NOL7: variants seen among roughly 807,000 people sequenced by gnomAD.
NOL7 encodes the protein nucleolar protein 7.
Under a neutral mutation model 38.4 loss-of-function variants are expected in NOL7, and 36 were observed. The observed-to-expected ratio is 0.94, with a 90% CI of 0.72 to 1.24. The LOEUF is 1.24. Among genes scored for constraint, NOL7 ranks in the 50% most tolerant of loss-of-function variants. The pLI is 0.00. For missense variants in NOL7, 350 were observed against 315.1 expected, an observed-to-expected ratio of 1.11 and a Z score of -0.84; for synonymous variants, 142 against 126.5, an observed-to-expected ratio of 1.12 and a Z score of -0.82.
intron 5 of NOL7, among the ~76,000 whole-genome samples, chr6:13,619,740 T>C (rs1228668513): frequency 2.0e-5 from 3 of 152,230 alleles, no homozygotes; most frequent in Non-Finnish European, 4.4e-5. Context: ...AAAACCACCA[T>C]GTGCTCTACT....
Position 13,618,113 on chromosome 6 carries a change from T to TA in NOL7, c.477dup (p.Val160SerfsTer11). 4 of 1,592,588 alleles carry TA rather than the reference T, an allele frequency of 2.5e-6. No homozygotes were observed. The highest frequency in any genetic ancestry group is 3.4e-6 in the Non-Finnish European group (4 of 1,162,008). The stretch of plus-strand genomic sequence containing the variant: ...AAAAAGGAAATGACTCCAAGAAAGT[T>TA]AAAGTACAAAAAGTACAGTCTGTCA... On this transcript the variant is annotated frameshift_variant, in exon 5 of 8. Coordinates refer to ENST00000451315, the MANE Select transcript of NOL7 (RefSeq NM_016167.5). LOFTEE classifies it high-confidence loss of function.
rs1312354334 is a variant in NOL7 at position 13,615,382 on chromosome 6, G to C, written c.24G>C (p.Ala8=). The C allele has an allele frequency of 6.6e-7, 1 of 1,520,060 alleles. No homozygotes were observed. The allele number at this position is 1,520,060 out of a possible 1,614,324, so 94.2% of individuals were successfully genotyped here. A position where few individuals can be genotyped will look rare whatever the true frequency, so the allele number is the denominator to read the frequency against. MVQLRPR[A]SRAPASAEAM... is the part of the protein sequence containing the mutation. ...CCATGGTGCAGCTCCGACCGCGAGC[G>C]TCTCGCGCCCCGGCGTCGGCGGAGG... Residue 8 remains alanine, a synonymous_variant, in exon 1 of 8, where the codon GCG becomes GCC. Coordinates refer to ENST00000451315, the MANE Select transcript of NOL7 (RefSeq NM_016167.5).
At chr6:13,623,375 T>G (rs142027210), downstream of NOL7, among the ~76,000 whole-genome samples, 665 of 152,276 alleles carry the variant, frequency 4.4e-3, 1 homozygote, top group Non-Finnish European at 7.9e-3. Flanking sequence ...AACTCCACTC[T>G]TGGTTCAGAG....
At chr6:13,617,683 T>A (rs1764327372) in intron 3 of NOL7, 87 bp from the exon 4 acceptor site, 1 of 1,307,772 alleles carries the variant, frequency 7.6e-7, no homozygotes, top group African/African-American at 1.5e-5. Flanking sequence ...GGGGGTGTCT[T>A]ACTTGTAAAG....
chr6:13,620,483 G>C lies in NOL7; in HGVS notation c.698G>C (p.Trp233Ser). 6.2e-7 allele frequency: 1 copy of C among 1,613,318 alleles called. No individual in the cohort carries two copies. Among genetic ancestry groups the C allele is most frequent in the Non-Finnish European group, 8.5e-7 (1 of 1,179,538 alleles). The change falls in exon 7 of 8, where the codon TGG (tryptophan) becomes TCG (serine). Residue 233 changes from tryptophan to serine, a missense_variant and splice_region_variant. Trp to Ser is a radical substitution (Grantham distance 177, BLOSUM62 -3). Coordinates refer to ENST00000451315, the MANE Select transcript of NOL7 (RefSeq NM_016167.5). ...GCTGTCCAGTTTTTGAATAATGCTT[G>C]GGGTAAGATCCAGCTTTATTCTCCT... Reference protein sequence around the residue: ...RAAVQFLNNAWGIQKKQNAKR... With the variant: ...RAAVQFLNNASGIQKKQNAKR...
chr6:13,618,567 A>G (rs183466028), intron 5 of NOL7, among the ~76,000 whole-genome samples: 241 of 152,286 alleles, frequency 1.6e-3, no homozygotes, highest in Non-Finnish European at 2.6e-3. Context: ...TTTAATTAGT[A>G]GTAATTTCAG....
chr6:13,624,475 C>T (rs942985145), downstream of NOL7, among the ~76,000 whole-genome samples: 12 of 152,278 alleles, frequency 7.9e-5, no homozygotes, highest in Non-Finnish European at 1.2e-4. Flanking sequence ...GTCCCAATTA[C>T]CTGGGAATTA....
downstream of NOL7, chr6:13,625,582 C>A (rs1293847550): frequency 4.9e-6 from 5 of 1,010,802 alleles, no homozygotes; most frequent in South Asian, 3.0e-5. Context: ...AGTGTAAATG[C>A]CAGTACAAAC....
Position 13,620,148 on chromosome 6 carries a change from G to GA in NOL7, c.501-50dup, listed in dbSNP as rs375083758. Reference sequence around the variant, plus strand: ...ACAGAGCGAGACTCTGTCTCAGGAAGAAAAAAAAAAGAAAGTAAGCATGTG... The same window carrying GA: ...ACAGAGCGAGACTCTGTCTCAGGAAGAAAAAAAAAAAGAAAGTAAGCATGTG... On this transcript the variant is annotated intron_variant, in intron 5 of 7. Transcript: ENST00000451315. The GA allele has an allele frequency of 7.3e-3, 9,556 of 1,309,036 alleles. 3 individuals carry two copies. The highest frequency in any genetic ancestry group is 0.016 in the African/African-American group (1,041 of 65,602). 81.1% of individuals were successfully genotyped at this position (1,309,036 alleles called of 1,614,324 possible).
chr6:13,624,299 G>T (rs1035375098), downstream of NOL7, among the ~76,000 whole-genome samples: 6 of 152,162 alleles, frequency 3.9e-5, no homozygotes, highest in Admixed American at 2.6e-4. Flanking sequence ...CATTCTTGCT[G>T]TAAGAGTCCT....
chr6:13,618,773 CCCAGCTACT>C lies in NOL7; in HGVS notation c.500+639_500+647del, dbSNP rs1764355833. Reference sequence around the variant, plus strand: ...GGGCGTGCTGGTGTGCACCTGTATTCCCAGCTACTCCAGAGGCCAAGGTGGGAGGATCAC... The same window carrying C: ...GGGCGTGCTGGTGTGCACCTGTATTCCCAGAGGCCAAGGTGGGAGGATCAC... On this transcript the variant is annotated intron_variant, in intron 5 of 7. Transcript: ENST00000451315. 2.0e-5 allele frequency among the ~76,000 whole-genome samples: 3 copies of C among 152,102 alleles called. No individual in the cohort carries two copies. The South Asian group carries it at 6.2e-4, about 32-fold the overall frequency.
In NOL7 at chr6:13,615,414, T is replaced by C; in HGVS notation, c.56T>C (p.Val19Ala). ...GCCCCGGCGTCGGCGGAGGCGATGG[T>C]GGACGAGGGCCAGCTGGCCTCGGAG... ...SRAPASAEAMVDEGQLASEEE... is the reference protein window; with the variant it reads ...SRAPASAEAMADEGQLASEEE... Residue 19 changes from valine to alanine, a missense_variant, in exon 1 of 8, where the codon GTG (valine) becomes GCG (alanine). By Grantham distance (64) the Val-to-Ala change is moderately conservative. Transcript: ENST00000451315. 6.5e-7 allele frequency: 1 copy of C among 1,543,686 alleles called. No individual in the cohort carries two copies. The highest frequency in any genetic ancestry group is 8.7e-7 in the Non-Finnish European group (1 of 1,144,614).
chr6:13,631,575 C>A (rs1764782195), intron 8 of NOL7, among the ~76,000 whole-genome samples: 2 of 152,192 alleles, frequency 1.3e-5, no homozygotes. Flanking sequence ...GAAACAGCGG[C>A]AGGAATCTTT....
intron 8 of NOL7, among the ~76,000 whole-genome samples, chr6:13,630,848 T>C (rs1333017994): frequency 6.6e-6 from 1 of 152,122 alleles, no homozygotes; most frequent in Non-Finnish European, 1.5e-5. Flanking sequence ...TTTCTATTTT[T>C]TTTTTTTTAA....
intron 3 of NOL7, among the ~76,000 whole-genome samples, chr6:13,617,561 CTG>C (rs544047386): frequency 8.8e-4 from 134 of 152,310 alleles, no homozygotes; most frequent in African/African-American, 3.0e-3. Context: ...CAGATTTTAA[CTG>C]TGAAGATCTT....
chr6:13,626,449 T>C (rs77148931), downstream of NOL7, among the ~76,000 whole-genome samples: 3,011 of 152,316 alleles, frequency 0.02, 52 homozygotes, highest in South Asian at 0.038. Flanking sequence ...CCTTTGGCAA[T>C]TGACAATCTA....
chr6:13,617,933 G>T, intron 4 of NOL7, 125 bp from the exon 5 acceptor site: 2 of 1,017,916 alleles, frequency 2.0e-6, no homozygotes, highest in Middle Eastern at 2.1e-4. Context: ...CCTATTCCCT[G>T]TATTTCATAC....
downstream of NOL7, among the ~76,000 whole-genome samples, chr6:13,623,817 A>C (rs1764526584): frequency 6.6e-6 from 1 of 152,194 alleles, no homozygotes; most frequent in Admixed American, 6.5e-5. Context: ...ATTAAGCACT[A>C]TTTATGGCTG....
At chr6:13,617,591 GT>G (rs1257035895) in intron 3 of NOL7, among the ~76,000 whole-genome samples, 178 bp from the exon 4 acceptor site, 1 of 152,182 alleles carries the variant, frequency 6.6e-6, no homozygotes, top group Non-Finnish European at 1.5e-5. Flanking sequence ...TTGAGAGTTG[GT>G]GGCAGTGTAC....
Sources: allele counts gnomAD v4.1 joint callset (sites outside exome capture counted in the v4.1 genomes callset), GRCh38; gene constraint gnomAD v4.1.1; transcripts MANE v1.5; gene names NCBI Gene and HGNC (gene_info 2026-07-23, HGNC 2026-07-21).